MYCBP2: variants seen among roughly 807,000 people sequenced by gnomAD.
MYCBP2 encodes the protein E3 ubiquitin-protein ligase MYCBP2.
A neutral mutation model predicts 525.3 loss-of-function variants in MYCBP2; 120 were observed. That is an observed-to-expected ratio of 0.23 (90% CI 0.20 to 0.27). The LOEUF (loss-of-function observed/expected upper bound fraction) is 0.27. Among genes scored for constraint, MYCBP2 ranks in the 10% least tolerant of loss-of-function variants. The pLI, the probability that MYCBP2 is intolerant of heterozygous loss-of-function variation, is 1.00. For missense variants in MYCBP2, 4,149 were observed against 5,657.1 expected (o/e 0.73, Z 8.55); for synonymous variants, 1,894 against 1,955.8 (o/e 0.97, Z 0.83).
chr13:77,061,355 G>A (rs988331067), intron 75 of MYCBP2, 54 bp from the exon 76 acceptor site: 33 of 1,421,946 alleles, frequency 2.3e-5, no homozygotes, highest in African/African-American at 2.9e-5. Flanking sequence ...ACTCTGAAAG[G>A]GAGAGTATAA....
intron 3 of MYCBP2, among the ~76,000 whole-genome samples, chr13:77,287,842 G>A (rs2077047598): frequency 6.6e-6 from 1 of 152,088 alleles, no homozygotes; most frequent in South Asian, 2.1e-4. Flanking sequence ...CATCTGCCAT[G>A]GCTCAATGCC....
chr13:77,184,257 G>C (rs2060525184), intron 32 of MYCBP2, among the ~76,000 whole-genome samples: 1 of 152,130 alleles, frequency 6.6e-6, no homozygotes, highest in African/African-American at 2.4e-5. Flanking sequence ...TGCTTACTTA[G>C]AAGTGCTGTC....
In MYCBP2 at chr13:77,326,674, C is replaced by T; in HGVS notation, c.102G>A (p.Pro34=). Residue 34 remains proline, a synonymous_variant, in exon 1 of 83, where the codon CCG becomes CCA. Coordinates refer to ENST00000544440, the MANE Select transcript of MYCBP2 (RefSeq NM_015057.5). This position sits in a 1 kb window ranked among gnomAD's most constrained non-coding sequence, Gnocchi z 4.2. ...PAATFSSSPA[P]GALFMPVPDG... ...CGGGAACCGGCATGAACAGCGCCCC[C>T]GGCGCCGGGGAGGAAGAGAAGGTGG... The T allele has an allele frequency of 6.8e-7, 1 of 1,466,502 alleles. No individual in the cohort carries two copies. Among genetic ancestry groups the T allele is most frequent in the Non-Finnish European group, 9.0e-7 (1 of 1,115,426 alleles). 90.8% of individuals were successfully genotyped at this position (1,466,502 alleles called of 1,614,324 possible). A position where few individuals can be genotyped will look rare whatever the true frequency, so the allele number is the denominator to read the frequency against.
At chr13:77,076,924 G>T in intron 67 of MYCBP2, 75 bp from the exon 68 acceptor site, 1 of 1,216,948 alleles carries the variant, frequency 8.2e-7, no homozygotes, top group Non-Finnish European at 1.2e-6. Context: ...CTCATTAGCT[G>T]ATTCCGCAGG....
chr13:77,079,226 A>C (rs924048785), intron 65 of MYCBP2, among the ~76,000 whole-genome samples: 1 of 152,154 alleles, frequency 6.6e-6, no homozygotes, highest in Non-Finnish European at 1.5e-5. Context: ...TCTTGTTGCT[A>C]TATTTTCATT....
Position 77,233,200 on chromosome 13 carries a change from C to A in MYCBP2, c.2693G>T (p.Arg898Ile). Residue 898 changes from arginine to isoleucine, a missense_variant, in exon 18 of 83, where the codon AGA becomes ATA. By Grantham distance (97) the Arg-to-Ile change is moderately conservative. This residue lies in a region of MYCBP2 where 620 missense variants were observed against 795.5 expected (regional missense o/e 0.78). Transcript: ENST00000544440. ...NHREQALARLRSHPAQLKHKR... is the reference protein window; with the variant it reads ...NHREQALARLISHPAQLKHKR... ...ATGCTTTAGCTGTGCTGGATGGGAT[C>A]TGAGTCTGGCTAGAGCCTGTTCTCG... The A allele has an allele frequency of 1.2e-6, 2 of 1,613,812 alleles. No homozygotes were observed. Among genetic ancestry groups the A allele is most frequent in the Non-Finnish European group, 1.7e-6 (2 of 1,179,836 alleles).
rs1239719928 is a variant in MYCBP2 at position 77,156,163 on chromosome 13, T to C, written c.6810A>G (p.Thr2270=). ...QPDSYADPQK[T]SLILNKDDIR... is the part of the protein sequence containing the mutation. ...TATCATCCTTATTCAGGATCAAAGATGTTTTCTGAGGATCCGCATATGAAT... is the reference window on the plus strand; with the variant it reads ...TATCATCCTTATTCAGGATCAAAGACGTTTTCTGAGGATCCGCATATGAAT... Residue 2270 remains threonine, a synonymous_variant, in exon 46 of 83, where the codon ACA becomes ACG. Transcript: ENST00000544440. 1.2e-6 allele frequency: 2 copies of C among 1,613,882 alleles called. No homozygotes were observed. Among genetic ancestry groups the C allele is most frequent in the African/African-American group, 1.3e-5 (1 of 74,936 alleles).
intron 82 of MYCBP2, among the ~76,000 whole-genome samples, chr13:77,050,755 G>A (rs759397882): frequency 6.6e-6 from 1 of 151,872 alleles, no homozygotes; most frequent in Non-Finnish European, 1.5e-5. Context: ...ATCCTTAGTA[G>A]ACTTCATTCT....
Position 77,140,846 on chromosome 13 carries a change from CT to C in MYCBP2, c.7400del (p.Lys2467ArgfsTer26). ...GGCTCTCAATTCATTCTGCCCTAAC[CT>C]TATTAGGCTGAGGTTCAGACTTTGG... Reference protein sequence around the residue: ...VKPKSEPQPNKVRKFVAKDSA... With the variant: ...VKPKSEPQPNXVRKFVAKDSA... On this transcript the variant is annotated frameshift_variant and splice_region_variant, in exon 50 of 83. Transcript: ENST00000544440. LOFTEE classifies it high-confidence loss of function. The C allele has an allele frequency of 6.2e-7, 1 of 1,605,050 alleles. No individual in the cohort carries two copies. The highest frequency in any genetic ancestry group is 8.5e-7 in the Non-Finnish European group (1 of 1,175,904).
At chr13:77,108,613 G>C (rs1369561485) in intron 55 of MYCBP2, among the ~76,000 whole-genome samples, 1 of 152,126 alleles carries the variant, frequency 6.6e-6, no homozygotes, top group Admixed American at 6.6e-5. Context: ...GCCTCCAGAA[G>C]TGACATCCTG....
chr13:77,105,605 T>A (rs1393313396), intron 55 of MYCBP2, among the ~76,000 whole-genome samples: 1 of 151,884 alleles, frequency 6.6e-6, no homozygotes, highest in Admixed American at 6.6e-5. Flanking sequence ...TACATTGATA[T>A]CTATACACAA....
At chr13:77,306,377 A>G (rs1225041430) in intron 1 of MYCBP2, among the ~76,000 whole-genome samples, 1 of 152,244 alleles carries the variant, frequency 6.6e-6, no homozygotes, top group Admixed American at 6.5e-5. Context: ...CCGGCTAATT[A>G]GTAATAAGAA....
At chr13:77,294,497 A>C (rs1234226569) in intron 2 of MYCBP2, among the ~76,000 whole-genome samples, 1 of 152,122 alleles carries the variant, frequency 6.6e-6, no homozygotes, top group Non-Finnish European at 1.5e-5. Context: ...TGAATTACTA[A>C]GGGCACAAAG....
chr13:77,311,143 C>T (rs1395294871), intron 1 of MYCBP2, among the ~76,000 whole-genome samples: 1 of 152,050 alleles, frequency 6.6e-6, no homozygotes. Flanking sequence ...GGGCTACAAC[C>T]CAAAAGTTAA....
intron 49 of MYCBP2, among the ~76,000 whole-genome samples, chr13:77,141,694 C>G (rs2054653100): frequency 6.6e-6 from 1 of 150,884 alleles, no homozygotes. Flanking sequence ...TTGCTTGAAC[C>G]TGTGAGGTGG....
At chr13:77,166,291 T>C (rs2058509413) in intron 41 of MYCBP2, 38 bp downstream of exon 41, 3 of 1,415,194 alleles carry the variant, frequency 2.1e-6, no homozygotes, top group Non-Finnish European at 2.9e-6. Context: ...TAAATGCACT[T>C]ATTTTACCAC....
chr13:77,192,946 TG>T (rs55992577), intron 27 of MYCBP2, among the ~76,000 whole-genome samples: 3,249 of 152,178 alleles, frequency 0.021, 59 homozygotes, highest in Non-Finnish European at 0.034. Flanking sequence ...CTGGTCAGCA[TG>T]GTAAAACCCC....
At chr13:77,154,261 G>A (rs2329026) in intron 46 of MYCBP2, among the ~76,000 whole-genome samples, 5,177 of 151,926 alleles carry the variant, frequency 0.034, 102 homozygotes, top group South Asian at 0.059. Context: ...TTTCTAAATT[G>A]GATAAATCTG....
At chr13:77,144,204 C>A (rs1427074916) in intron 49 of MYCBP2, 2 of 485,388 alleles carry the variant, frequency 4.1e-6, no homozygotes, top group Non-Finnish European at 7.4e-6. Flanking sequence ...TGACTAGTAA[C>A]ATCAGGAAAT....
Sources: gnomAD v4.1 joint callset for allele counts (sites outside exome capture counted in the v4.1 genomes callset) on GRCh38, gnomAD v4.1.1 for gene constraint, gnomAD v4.1.1 regional missense constraint, Gnocchi (gnomAD v3.1) non-coding constraint, MANE v1.5 for transcripts, NCBI Gene and HGNC (gene_info 2026-07-23, HGNC 2026-07-21) for gene names.